The following PTPRD variants were observed in gnomAD, a reference collection of about 807,000 sequenced individuals.
PTPRD encodes the protein protein tyrosine phosphatase receptor type D, also known as receptor-type tyrosine-protein phosphatase delta.
In PTPRD, 34 loss-of-function variants were observed where a neutral mutation model predicts 214.5. That is an observed-to-expected ratio of 0.16 (90% CI 0.12 to 0.21). The LOEUF is 0.21. Ranked by LOEUF, PTPRD falls within the 10% of genes least tolerant of loss-of-function variation. The pLI, the probability that PTPRD is intolerant of heterozygous loss-of-function variation, is 1.00. For synonymous variants in PTPRD, 1,128 were observed against 845.7 expected, an observed-to-expected ratio of 1.33 and a Z score of -5.79; for missense variants, 2,545 against 2,398.7, an observed-to-expected ratio of 1.06 and a Z score of -1.27.
intron 2 of PTPRD, among the ~76,000 whole-genome samples, chr9:10,564,168 A>ATTTTTTTTTTTTTTTTTTTTTT (rs1591017043): frequency 8.4e-5 from 1 of 11,880 alleles, no homozygotes; most frequent in Admixed American, 1.0e-3. Context: ...ACACTAGGCT[A>ATTTTTTTTTTTTTTTTTTTTTT]TTCTTTTTTT....
Position 9,322,680 on chromosome 9 carries a change from G to A in PTPRD, c.-203+74769C>T, listed in dbSNP as rs988041183. 2.6e-5 allele frequency among the ~76,000 whole-genome samples: 4 copies of A among 152,116 alleles called. No homozygotes were observed. The South Asian group carries it at 8.3e-4, about 31-fold the overall frequency. Reference sequence around the variant, plus strand: ...ATGAGTAAATCAGTGCAATGCTACAGGAACACTCTAGATCCTTGGTATGAG... The same window carrying A: ...ATGAGTAAATCAGTGCAATGCTACAAGAACACTCTAGATCCTTGGTATGAG... On this transcript the variant is annotated intron_variant, in intron 9 of 45. Coordinates refer to ENST00000381196, the MANE Select transcript of PTPRD (RefSeq NM_002839.4).
At chr9:9,644,391 T>C (rs1163874279) in intron 7 of PTPRD, among the ~76,000 whole-genome samples, 1 of 152,162 alleles carries the variant, frequency 6.6e-6, no homozygotes, top group Non-Finnish European at 1.5e-5. Flanking sequence ...ATCATGACAA[T>C]CATATGAACT....
At chr9:8,951,870 C>A (rs1185564038) in intron 11 of PTPRD, among the ~76,000 whole-genome samples, 1 of 151,980 alleles carries the variant, frequency 6.6e-6, no homozygotes, top group Non-Finnish European at 1.5e-5. Context: ...TTCTCCTGCT[C>A]AAAATTCTCC....
intron 2 of PTPRD, among the ~76,000 whole-genome samples, chr9:10,496,596 T>A (rs1356977835): frequency 6.9e-6 from 1 of 144,902 alleles, no homozygotes; most frequent in Non-Finnish European, 1.5e-5. Flanking sequence ...TTCCCTTTTC[T>A]CTGCAGCCTC....
At chr9:9,241,894 T>C (rs2099970541) in intron 9 of PTPRD, among the ~76,000 whole-genome samples, 1 of 152,058 alleles carries the variant, frequency 6.6e-6, no homozygotes, top group Non-Finnish European at 1.5e-5. Context: ...ATTAAGATGT[T>C]AGGTGGTTAT....
At chr9:8,926,277 G>C (rs75252946) in intron 11 of PTPRD, among the ~76,000 whole-genome samples, 1 of 152,004 alleles carries the variant, frequency 6.6e-6, no homozygotes, top group Non-Finnish European at 1.5e-5. Flanking sequence ...AGCCTTCCTT[G>C]ATCAACCCAA....
intron 4 of PTPRD, among the ~76,000 whole-genome samples, chr9:9,954,425 G>T (rs1242288927): frequency 6.8e-6 from 1 of 146,810 alleles, no homozygotes; most frequent in Middle Eastern, 3.8e-3. Flanking sequence ...ATTCTAAAAA[G>T]CACTAACTTT....
intron 11 of PTPRD, among the ~76,000 whole-genome samples, chr9:8,923,015 GT>G (rs1277935335): frequency 7.2e-6 from 1 of 138,962 alleles, no homozygotes; most frequent in Non-Finnish European, 1.5e-5. Flanking sequence ...TTCTTCCTTT[GT>G]TTCTTTTTCT....
chr9:9,066,216 T>A (rs964898914), intron 10 of PTPRD, among the ~76,000 whole-genome samples: 3 of 152,158 alleles, frequency 2.0e-5, no homozygotes, highest in African/African-American at 7.2e-5. Context: ...CTTTTTTTAT[T>A]CCCTGGAAGA....
At chr9:9,836,390 GA>G (rs561696183) in intron 5 of PTPRD, among the ~76,000 whole-genome samples, 216 of 152,254 alleles carry the variant, frequency 1.4e-3, no homozygotes, top group East Asian at 9.9e-3. Flanking sequence ...TGGGACTGCT[GA>G]ATGGGCTCAT....
intron 6 of PTPRD, among the ~76,000 whole-genome samples, chr9:9,745,011 G>T (rs932748223): frequency 5.9e-5 from 9 of 151,996 alleles, no homozygotes; most frequent in African/African-American, 2.2e-4. Flanking sequence ...TCAAATCCAT[G>T]TAGAGCAAAT....
At chr9:9,732,816 G>T (rs1246547756) in intron 7 of PTPRD, among the ~76,000 whole-genome samples, 2 of 151,978 alleles carry the variant, frequency 1.3e-5, no homozygotes, top group African/African-American at 4.8e-5. Flanking sequence ...AGGGACCGTG[G>T]TGTGGCTCTG....
intron 8 of PTPRD, among the ~76,000 whole-genome samples, chr9:9,566,283 G>T (rs544533883): frequency 1.3e-5 from 2 of 152,034 alleles, no homozygotes; most frequent in African/African-American, 4.8e-5. Flanking sequence ...ATGTTGATCT[G>T]TCAAAAACTG....
chr9:9,921,994 G>C (rs907972653), intron 5 of PTPRD, among the ~76,000 whole-genome samples: 3 of 152,038 alleles, frequency 2.0e-5, no homozygotes, highest in African/African-American at 7.2e-5. Context: ...CTTAATCCCT[G>C]TGCCATAATT....
intron 44 of PTPRD, among the ~76,000 whole-genome samples, chr9:8,323,064 G>C (rs144722517): frequency 6.6e-6 from 1 of 152,118 alleles, no homozygotes; most frequent in Admixed American, 6.6e-5. Context: ...CTGAAAGCTC[G>C]ACCTCTTGTA....
chr9:9,820,372 T>C (rs535349353), intron 5 of PTPRD, among the ~76,000 whole-genome samples: 11 of 152,280 alleles, frequency 7.2e-5, no homozygotes, highest in African/African-American at 1.4e-4. Context: ...TCCTTGTAGA[T>C]TGTGAATATT....
chr9:9,693,321 T>C (rs896435166), intron 7 of PTPRD, among the ~76,000 whole-genome samples: 6 of 152,152 alleles, frequency 3.9e-5, no homozygotes, highest in African/African-American at 1.2e-4. Context: ...CATAATGTTC[T>C]CATGTTTGTG....
chr9:8,329,724 G>C (rs534050061), intron 44 of PTPRD, among the ~76,000 whole-genome samples: 62 of 152,266 alleles, frequency 4.1e-4, no homozygotes, highest in African/African-American at 1.4e-3. Flanking sequence ...TGCCCAGGGA[G>C]GAGTAATCCA....
intron 9 of PTPRD, among the ~76,000 whole-genome samples, chr9:9,322,521 T>C (rs1307879303): frequency 6.6e-6 from 1 of 152,162 alleles, no homozygotes; most frequent in Non-Finnish European, 1.5e-5. Flanking sequence ...CTCATATACC[T>C]AGGTTTATGT....
Sources: gnomAD v4.1 joint callset for allele counts (sites outside exome capture counted in the v4.1 genomes callset) on GRCh38, gnomAD v4.1.1 for gene constraint, MANE v1.5 for transcripts, NCBI Gene and HGNC (gene_info 2026-07-23, HGNC 2026-07-21) for gene names.